CCDC77: variants seen among roughly 807,000 people sequenced by gnomAD.
The protein encoded by CCDC77 is coiled-coil domain-containing protein 77.
Under a neutral mutation model 66.8 loss-of-function variants are expected in CCDC77, and 56 were observed. The observed-to-expected ratio is 0.84, with a 90% confidence interval of 0.68 to 1.05. The LOEUF is 1.05. Ranked by LOEUF, CCDC77 falls within the 50% of genes least tolerant of loss-of-function variation. The pLI, the probability that CCDC77 is intolerant of heterozygous loss-of-function variation, is 0.00. For missense variants in CCDC77, 570 were observed against 576.8 expected (o/e 0.99, Z 0.12); for synonymous variants, 196 against 195.2 (o/e 1.00, Z -0.03).
intron 10 of CCDC77, 93 bp downstream of exon 10, chr12:438,647 C>A: frequency 1.1e-6 from 1 of 951,678 alleles, no homozygotes; most frequent in Non-Finnish European, 1.6e-6. Context: ...AAGATCCATT[C>A]AGTCCAGGAA....
At chr12:409,316 TTTTA>T in intron 2 of CCDC77, 48 bp from the exon 3 acceptor site, 2 of 1,353,168 alleles carry the variant, frequency 1.5e-6, no homozygotes, top group Non-Finnish European at 2.1e-6. Flanking sequence ...CCTGTACTGT[TTTTA>T]TTTTTCTATT....
chr12:401,033 A>C (rs1944887280), upstream of CCDC77, among the ~76,000 whole-genome samples: 1 of 151,968 alleles, frequency 6.6e-6, no homozygotes, highest in Non-Finnish European at 1.5e-5. Context: ...CTTTTCCCCC[A>C]CCTTTACACC....
intron 4 of CCDC77, among the ~76,000 whole-genome samples, chr12:416,057 C>T (rs57415064): frequency 0.018 from 2,754 of 151,712 alleles, 87 homozygotes; most frequent in African/African-American, 0.061. Context: ...CCATCTGGCT[C>T]GGCCTCCCAA....
At chr12:423,114 C>A (rs77465879) in intron 5 of CCDC77, among the ~76,000 whole-genome samples, 1 of 74,542 alleles carries the variant, frequency 1.3e-5, no homozygotes, top group Admixed American at 2.2e-4. Flanking sequence ...TCTTTTAAGC[C>A]TTTTTTTTTT....
intron 2 of CCDC77, among the ~76,000 whole-genome samples, chr12:408,782 T>C (rs1945046841): frequency 6.6e-6 from 1 of 152,268 alleles, no homozygotes; most frequent in Admixed American, 6.5e-5. Flanking sequence ...CAAGGAGACT[T>C]TTCTACTTTG....
intron 5 of CCDC77, among the ~76,000 whole-genome samples, chr12:422,275 A>C (rs151267272): frequency 5.9e-4 from 90 of 152,370 alleles, no homozygotes; most frequent in African/African-American, 2.0e-3. Context: ...GGTAAAACAC[A>C]CATAGCAAAA....
chr12:408,109 G>T (rs1257744054), intron 2 of CCDC77, among the ~76,000 whole-genome samples: 4 of 151,984 alleles, frequency 2.6e-5, no homozygotes, highest in Non-Finnish European at 5.9e-5. Flanking sequence ...ATTTTAAATA[G>T]ATTATACCAG....
intron 9 of CCDC77, among the ~76,000 whole-genome samples, chr12:434,663 TTC>T (rs1945715834): frequency 6.6e-6 from 1 of 152,338 alleles, no homozygotes; most frequent in East Asian, 1.9e-4. Flanking sequence ...ACCTCTTAAC[TTC>T]TGAGACCAGT....
chr12:427,359 GC>G (rs1565573923), intron 5 of CCDC77, among the ~76,000 whole-genome samples: 2 of 151,892 alleles, frequency 1.3e-5, no homozygotes, highest in Admixed American at 1.3e-4. Flanking sequence ...TATTGTTTGA[GC>G]TATACTCTGT....
chr12:389,377 G>C lies in CCDC77; in HGVS notation c.-222G>C, dbSNP rs1565557292. On this transcript the variant is annotated 5_prime_UTR_variant, in exon 1 of 12. Coordinates refer to the CCDC77 transcript ENST00000422000. ...CCTTCCGCAGCTGCACGACGCCTGT[G>C]TGTCTGGCCTTTCCTTCTTCTTCTC... The C allele has an allele frequency of 5.5e-5, 32 of 581,088 alleles. No homozygotes were observed. In the South Asian group the frequency reaches 6.0e-4, roughly 11 times the overall value. The allele number at this position is 581,088 out of a possible 1,614,324, so 36.0% of individuals were successfully genotyped here.
rs141850651 is a variant in CCDC77 at position 440,937 on chromosome 12, A to G, written c.1261A>G (p.Lys421Glu). Residue 421 changes from lysine (K) to glutamate (E), a missense_variant, in exon 12 of 13, where the codon AAG becomes GAG. Lys to Glu is a moderately conservative substitution (Grantham distance 56). Transcript: ENST00000239830. ...ACGTATCCTGGAAGTAGAAGGCTTT[A>G]AGACAGATATTAAAGTTCTCCGACA... The part of the protein sequence containing the change: ...RRRILEVEGF[K>E]TDIKVLRQKL... 45 of 1,613,530 alleles carry G rather than the reference A, an allele frequency of 2.8e-5. No homozygotes were observed. The African/African-American group carries it at 5.5e-4, about 20-fold the overall frequency.
intron 2 of CCDC77, among the ~76,000 whole-genome samples, chr12:405,798 T>C (rs1944979443): frequency 6.6e-6 from 1 of 152,202 alleles, no homozygotes; most frequent in Admixed American, 6.5e-5. Flanking sequence ...AGGCACTGTT[T>C]ATGTTACTAG....
At chr12:411,483 A>AT (rs918586427) in intron 3 of CCDC77, among the ~76,000 whole-genome samples, 47 of 141,898 alleles carry the variant, frequency 3.3e-4, no homozygotes, top group East Asian at 8.2e-4. Context: ...CCCGGCCAAG[A>AT]TTTTTTTTTT....
chr12:435,744 A>AT (rs1443968346), intron 9 of CCDC77, among the ~76,000 whole-genome samples: 17 of 151,704 alleles, frequency 1.1e-4, no homozygotes, highest in Admixed American at 9.8e-4. Flanking sequence ...GTTTTGTTTC[A>AT]TTTTTTCCAG....
At chr12:413,061 C>T (rs1945145579) in intron 4 of CCDC77, among the ~76,000 whole-genome samples, 1 of 151,156 alleles carries the variant, frequency 6.6e-6, no homozygotes. Flanking sequence ...GCCTCAGCCT[C>T]CCGAGTAGCT....
chr12:426,431 CT>C (rs1945534207), intron 5 of CCDC77, among the ~76,000 whole-genome samples: 1 of 152,140 alleles, frequency 6.6e-6, no homozygotes, highest in Non-Finnish European at 1.5e-5. Context: ...CAGAATCCAT[CT>C]GGTTTTGTAT....
chr12:390,669 C>A (rs942911138), intron 1 of CCDC77, among the ~76,000 whole-genome samples: 1 of 152,144 alleles, frequency 6.6e-6, no homozygotes, highest in African/African-American at 2.4e-5. Flanking sequence ...CCAACCCACC[C>A]TGCAGATTTT....
At chr12:438,623 A>G (rs1440677002) in intron 10 of CCDC77, 69 bp downstream of exon 10, 43 of 1,188,416 alleles carry the variant, frequency 3.6e-5, no homozygotes, top group Non-Finnish European at 5.1e-5. Context: ...CAAAGAACCT[A>G]CAATTTGTAA....
rs1278384633 is a variant in CCDC77, at chr12:440,606, T to TTAG, written c.1042-10_1042-9insAGT. On this transcript the variant is annotated splice_polypyrimidine_tract_variant and intron_variant, in intron 10 of 12. Transcript: ENST00000239830. ...CTGAGTGTTAATGTTTTTTGTCCCTTTGACTTGTAGTCCCTAAAAGATAAG... is the reference window on the plus strand; with the variant it reads ...CTGAGTGTTAATGTTTTTTGTCCCTTTAGTGACTTGTAGTCCCTAAAAGATAAG... The TTAG allele has an allele frequency of 6.2e-7, 1 of 1,613,512 alleles. No homozygotes were observed. Among genetic ancestry groups the TTAG allele is most frequent in the Admixed American group, 1.7e-5 (1 of 59,982 alleles).
Sources: allele counts gnomAD v4.1 joint callset (sites outside exome capture counted in the v4.1 genomes callset), GRCh38; gene constraint gnomAD v4.1.1; transcripts MANE v1.5; gene names NCBI Gene and HGNC (gene_info 2026-07-23, HGNC 2026-07-21).